USF3: variants seen among roughly 807,000 people sequenced by gnomAD.
USF3 encodes the protein upstream transcription factor family member 3, also known as basic helix-loop-helix domain-containing protein USF3.
A neutral mutation model predicts 157.5 loss-of-function variants in USF3; 29 were observed. The ratio of observed to expected loss-of-function variants is 0.18; its 90% CI spans 0.14 to 0.25. USF3 has a LOEUF of 0.25. Among genes scored for constraint, USF3 ranks in the 10% least tolerant of loss-of-function variants. The pLI is 1.00. For missense variants in USF3, 2,381 were observed against 2,667.6 expected (o/e 0.89, Z 2.37); for synonymous variants, 893 against 941.4 (o/e 0.95, Z 0.94).
chr3:113,680,907 A>G (rs1263089863), intron 1 of USF3, among the ~76,000 whole-genome samples: 1 of 150,136 alleles, frequency 6.7e-6, no homozygotes. Flanking sequence ...ACTAATTTTG[A>G]GTTTGGTTTG....
At chr3:113,670,262 T>C in intron 4 of USF3, 59 bp from the exon 5 acceptor site, 2 of 946,002 alleles carry the variant, frequency 2.1e-6, no homozygotes, top group South Asian at 2.6e-5. Context: ...GTGCCCTCAT[T>C]CAACCACGGT....
At position 113,656,925 on chromosome 3, in the gene USF3, C is replaced by T. The variant is rs189433320; in HGVS notation, c.4757G>A (p.Arg1586Gln). The T allele has an allele frequency of 1.8e-4, 285 of 1,614,098 alleles. No individual in the cohort carries two copies. The highest frequency in any genetic ancestry group is 1.5e-3 in the Middle Eastern group (9 of 6,062). ...GTTCTGGGGATGGTTATGATGGTTC[C>T]GACTAGTTGAAGGGTTTTCACAGCT... ...EKSCENPSTS[R>Q]NHHNHPQNHL... The change falls in exon 7 of 7, where the codon CGG (arginine) becomes CAG (glutamine). Residue 1586 changes from arginine to glutamine, a missense_variant. By Grantham distance (43) the Arg-to-Gln change is conservative. Around this residue, in one of 6 missense-constraint regions of USF3, gnomAD observed 770 missense variants for 824.2 expected, o/e 0.93. Coordinates refer to ENST00000316407, the MANE Select transcript of USF3 (RefSeq NM_001009899.4).
chr3:113,664,440 T>C, intron 5 of USF3, 31 bp from the exon 6 acceptor site: 2 of 1,272,450 alleles, frequency 1.6e-6, no homozygotes, highest in South Asian at 2.6e-5. Flanking sequence ...AGTTTACAAG[T>C]TTCACTGAAG....
rs1388656978 is a variant in USF3 at position 113,650,443 on chromosome 3, C to A, written c.*4501G>T. 2 of 152,210 alleles carry A rather than the reference C, an allele frequency of 1.3e-5. No individual in the cohort carries two copies. Among genetic ancestry groups the A allele is most frequent in the African/African-American group, 4.8e-5 (2 of 41,422 alleles). The allele number at this position is 152,210 out of a possible 1,614,324, so 9.4% of individuals were successfully genotyped here. ...GGTGGGCCCAATAAATGTTTCAAGG[C>A]AAAGGAGTAATCATCTCGCTAAGGA... On this transcript the variant is annotated 3_prime_UTR_variant, in exon 7 of 7. Transcript: ENST00000316407.
chr3:113,662,269 T>C (rs1370444146), intron 6 of USF3, among the ~76,000 whole-genome samples: 2 of 152,192 alleles, frequency 1.3e-5, no homozygotes, highest in Non-Finnish European at 2.9e-5. Flanking sequence ...GCATCGACAA[T>C]GGAACCTGCA....
Position 113,670,145 on chromosome 3 carries a change from G to A in USF3, c.135C>T (p.Ile45=), listed in dbSNP as rs1307915257. The A allele has an allele frequency of 6.2e-7, 1 of 1,612,388 alleles. No individual in the cohort carries two copies. Among genetic ancestry groups the A allele is most frequent in the Non-Finnish European group, 8.5e-7 (1 of 1,178,452 alleles). The part of the protein sequence containing the change: ...NAGINRIGEL[I]PCSPALKQSK... The stretch of plus-strand genomic sequence containing the variant: ...CCTGCTTCAGGGCAGGAGAACATGG[G>A]ATCAGCTCTCCTATTCTGTTTATCC... The change falls in exon 5 of 7, where the codon ATC becomes ATT. Residue 45 remains isoleucine, a synonymous_variant. Coordinates refer to ENST00000316407, the MANE Select transcript of USF3 (RefSeq NM_001009899.4).
At chr3:113,673,774 G>A (rs984334796) in intron 3 of USF3, among the ~76,000 whole-genome samples, 6 of 152,238 alleles carry the variant, frequency 3.9e-5, no homozygotes, top group Non-Finnish European at 5.9e-5. Flanking sequence ...ACGGGTGTGC[G>A]TGTGCAGGAG....
At position 113,657,203 on chromosome 3, in the gene USF3, A is replaced by C. The variant is rs1947377801; in HGVS notation, c.4479T>G (p.His1493Gln). ...RERHHLYQMQHHVPHAESSVH... is the reference protein window; with the variant it reads ...RERHHLYQMQQHVPHAESSVH... ...CAGAGCTCTCTGCATGAGGTACATG[A>C]TGCTGCATTTGATATAAGTGATGCC... The change falls in exon 7 of 7, where the codon CAT (histidine) becomes CAG (glutamine). Residue 1493 changes from histidine to glutamine, a missense_variant. Transcript: ENST00000316407. The C allele has an allele frequency of 1.2e-6, 2 of 1,614,000 alleles. No homozygotes were observed. The highest frequency in any genetic ancestry group is 1.7e-6 in the Non-Finnish European group (2 of 1,180,030).
rs1189959555 is a variant in USF3, at chr3:113,656,148, T to C, written c.5534A>G (p.Asn1845Ser). Residue 1845 changes from asparagine to serine, a missense_variant, in exon 7 of 7, where the codon AAT becomes AGT. By Grantham distance (46) the Asn-to-Ser change is conservative. Around this residue, in one of 6 missense-constraint regions of USF3, gnomAD observed 770 missense variants for 824.2 expected, o/e 0.93. Coordinates refer to ENST00000316407, the MANE Select transcript of USF3 (RefSeq NM_001009899.4). ...SQRSLSEHQR[N>S]TQCGPSSAIE... is the part of the protein sequence containing the mutation. The stretch of plus-strand genomic sequence containing the variant: ...TGCAGAGGATGGACCACACTGTGTA[T>C]TCCTCTGATGTTCTGAGAGTGACCT... 1.9e-6 allele frequency: 3 copies of C among 1,614,206 alleles called. No individual in the cohort carries two copies. The highest frequency in any genetic ancestry group is 2.5e-6 in the Non-Finnish European group (3 of 1,180,032).
Position 113,660,283 on chromosome 3 carries a change from T to C in USF3, c.1399A>G (p.Thr467Ala). ...VLNESGTSPT[T>A]SNHSRYVATD... Reference sequence around the variant, plus strand: ...GCCACATATCTACTGTGGTTGCTTGTGGTGGGGCTAGTACCAGACTCATTT... The same window carrying C: ...GCCACATATCTACTGTGGTTGCTTGCGGTGGGGCTAGTACCAGACTCATTT... Residue 467 changes from threonine to alanine, a missense_variant, in exon 7 of 7, where the codon ACA (threonine) becomes GCA (alanine). Transcript: ENST00000316407. 1 of 1,614,192 alleles carries C rather than the reference T, an allele frequency of 6.2e-7. No individual in the cohort carries two copies. Among genetic ancestry groups the C allele is most frequent in the Non-Finnish European group, 8.5e-7 (1 of 1,180,020 alleles).
chr3:113,672,225 A>G (rs1274939880), intron 4 of USF3, among the ~76,000 whole-genome samples: 3 of 151,304 alleles, frequency 2.0e-5, no homozygotes, highest in Non-Finnish European at 4.4e-5. Context: ...AACTGCATCA[A>G]GCGATTCTCC....
chr3:113,683,526 T>C (rs1707483387), intron 1 of USF3, among the ~76,000 whole-genome samples: 1 of 137,852 alleles, frequency 7.3e-6, no homozygotes, highest in Non-Finnish European at 1.5e-5. Flanking sequence ...TGGAGTACAG[T>C]GGTGCAATCT....
chr3:113,667,865 A>AAAAC (rs10641398), intron 5 of USF3, among the ~76,000 whole-genome samples: 45,297 of 150,544 alleles, frequency 0.3, 6,896 homozygotes, highest in Non-Finnish European at 0.34. Context: ...AGACTGTCTC[A>AAAAC]AAACAAACAA....
At chr3:113,695,325 G>A (rs535259294) in intron 1 of USF3, among the ~76,000 whole-genome samples, 2 of 152,272 alleles carry the variant, frequency 1.3e-5, no homozygotes, top group Admixed American at 1.3e-4. Context: ...GAGTTCTATG[G>A]GAGAGAAAAA....
At position 113,649,680 on chromosome 3, in the gene USF3, G is replaced by A. The variant is rs146236489; in HGVS notation, c.*5264C>T. On this transcript the variant is annotated 3_prime_UTR_variant, in exon 7 of 7. Coordinates refer to ENST00000316407, the MANE Select transcript of USF3 (RefSeq NM_001009899.4). ...AGTGGGTGAGTGATATGTTCCAACAGCTGGTCTAAAGACCAGAGGCACAGT... is the reference window on the plus strand; with the variant it reads ...AGTGGGTGAGTGATATGTTCCAACAACTGGTCTAAAGACCAGAGGCACAGT... The A allele has an allele frequency of 3.4e-6, 2 of 594,454 alleles. No individual in the cohort carries two copies. Among genetic ancestry groups the A allele is most frequent in the African/African-American group, 3.7e-5 (2 of 53,656 alleles). The allele number at this position is 594,454 out of a possible 1,614,324, so 36.8% of individuals were successfully genotyped here.
rs1052042262 is a variant in USF3 at position 113,654,554 on chromosome 3, C to T, written c.*390G>A. 1.6e-4 allele frequency: 28 copies of T among 171,102 alleles called. No individual in the cohort carries two copies. The highest frequency in any genetic ancestry group is 2.8e-4 in the Non-Finnish European group (23 of 80,838). The allele number at this position is 171,102 out of a possible 1,614,324, so 10.6% of individuals were successfully genotyped here. ...TGAGCCACTGTGTTTTATCAAGCTG[C>T]CTATATTTTTCAGTAGCAACTTACC... On this transcript the variant is annotated 3_prime_UTR_variant, in exon 7 of 7. Transcript: ENST00000316407.
intron 4 of USF3, among the ~76,000 whole-genome samples, chr3:113,672,173 ACT>A (rs1416406243): frequency 1.4e-5 from 2 of 138,550 alleles, no homozygotes; most frequent in East Asian, 4.2e-4. Context: ...ATGGAGCCTC[ACT>A]CTGTCACCCC....
rs1019612094 is a variant in USF3, at chr3:113,657,436, T to A, written c.4246A>T (p.Thr1416Ser). The change falls in exon 7 of 7, where the codon ACT (threonine) becomes TCT (serine). Residue 1416 changes from threonine to serine, a missense_variant. Thr to Ser is a moderately conservative substitution (Grantham distance 58). Transcript: ENST00000316407. ...NNFVTPALRQ[T>S]EVQCGSQPSV... is the part of the protein sequence containing the mutation. ...GGCTGAGAACCACACTGAACTTCAG[T>A]TTGCCTCAATGCAGGAGTCACAAAG... 6.2e-7 allele frequency: 1 copy of A among 1,614,076 alleles called. No individual in the cohort carries two copies. Among genetic ancestry groups the A allele is most frequent in the Non-Finnish European group, 8.5e-7 (1 of 1,180,028 alleles).
chr3:113,664,427 A>G lies in USF3; in HGVS notation c.160-18T>C. 1 of 1,450,138 alleles carries G rather than the reference A, an allele frequency of 6.9e-7. No homozygotes were observed. The highest frequency in any genetic ancestry group is 2.0e-5 in the Admixed American group (1 of 50,950). 89.8% of individuals were successfully genotyped at this position (1,450,138 alleles called of 1,614,324 possible). ...TTCTTGCTCTGTCCAAGAAAATTTT[A>G]AAAGTTTACAAGTTTCACTGAAGGG... is the stretch of plus-strand genomic sequence containing the variant. On this transcript the variant is annotated intron_variant, in intron 5 of 6. Coordinates refer to ENST00000316407, the MANE Select transcript of USF3 (RefSeq NM_001009899.4).
Sources: gnomAD v4.1 joint callset for allele counts (sites outside exome capture counted in the v4.1 genomes callset) on GRCh38, gnomAD v4.1.1 for gene constraint, gnomAD v4.1.1 regional missense constraint, MANE v1.5 for transcripts, NCBI Gene and HGNC (gene_info 2026-07-23, HGNC 2026-07-21) for gene names.